DCHS2: variants seen among roughly 807,000 people sequenced by gnomAD.
The protein encoded by DCHS2 is dachsous cadherin-related 2.
In DCHS2, 142 loss-of-function variants were observed where a neutral mutation model predicts 182.4. That is an observed-to-expected ratio of 0.78 (90% CI 0.68 to 0.89). The LOEUF (loss-of-function observed/expected upper bound fraction) is 0.89. DCHS2 is among the 40% of genes least tolerant of loss of function. DCHS2 has a pLI of 0.00. For missense variants in DCHS2, 4,319 were observed against 4,198.6 expected (o/e 1.03, Z -0.79); for synonymous variants, 1,740 against 1,663.3 (o/e 1.05, Z -1.12).
chr4:154,295,686 C>A (rs1416201662), intron 13 of DCHS2, among the ~76,000 whole-genome samples: 1 of 152,046 alleles, frequency 6.6e-6, no homozygotes, highest in African/African-American at 2.4e-5. Flanking sequence ...AAATAACAAC[C>A]AAAGAAAGCA....
At chr4:154,479,035 T>A (rs886191169) in intron 1 of DCHS2, among the ~76,000 whole-genome samples, 4 of 152,088 alleles carry the variant, frequency 2.6e-5, no homozygotes, top group Non-Finnish European at 5.9e-5. Flanking sequence ...ATTTCACAGA[T>A]AAAACTTTAA....
intron 14 of DCHS2, among the ~76,000 whole-genome samples, 172 bp downstream of exon 14, chr4:154,269,728 T>C (rs553826877): frequency 1.3e-5 from 2 of 152,192 alleles, no homozygotes; most frequent in African/African-American, 4.8e-5. Flanking sequence ...TCTTAGTGAA[T>C]ATAAATAAAT....
At chr4:154,331,684 C>T (rs1312934484) in intron 5 of DCHS2, 1 of 1,613,776 alleles carries the variant, frequency 6.2e-7, no homozygotes, top group Admixed American at 1.7e-5. Context: ...ACCATCTGCC[C>T]AGGTTATGAC....
At position 154,452,048 on chromosome 4, in the gene DCHS2, C is replaced by T. The variant is rs566339968; in HGVS notation, c.2052+37256G>A. ...GACACTCCTGTCATTGCCCAAAGGG[C>T]TGATGTACAAAGTGGCCACACAGTC... On this transcript the variant is annotated intron_variant, in intron 1 of 19. Transcript: ENST00000357232. 7.2e-5 allele frequency among the ~76,000 whole-genome samples: 11 copies of T among 152,302 alleles called. No homozygotes were observed. The South Asian group carries it at 2.3e-3, about 32-fold the overall frequency.
At chr4:154,354,069 G>A (rs116671613) in intron 3 of DCHS2, among the ~76,000 whole-genome samples, 2,918 of 152,242 alleles carry the variant, frequency 0.019, 51 homozygotes, top group Non-Finnish European at 0.029. Context: ...TGGTACTACA[G>A]GCATGTGCCA....
intron 3 of DCHS2, chr4:154,354,961 C>G (rs1561063778): frequency 6.6e-6 from 1 of 151,974 alleles, no homozygotes; most frequent in Non-Finnish European, 1.5e-5. Flanking sequence ...ATTTAGGAAG[C>G]TCCTATGCCT....
At position 154,234,819 on chromosome 4, in the gene DCHS2, G is replaced by A. The variant is rs752327210; in HGVS notation, c.9833C>T (p.Pro3278Leu). The A allele has an allele frequency of 1.3e-5, 21 of 1,613,842 alleles. No individual in the cohort carries two copies. Among genetic ancestry groups the A allele is most frequent in the Admixed American group, 1.7e-5 (1 of 59,976 alleles). ...PKEKKSFVFP[P>L]PLITAVAQPG... The stretch of plus-strand genomic sequence containing the variant: ...CTGGGCTACTGCTGTTATCAAAGGG[G>A]GTGGAAAAACAAAAGATTTCTTCTC... Residue 3278 changes from proline (P) to leucine (L), a missense_variant, in exon 20 of 20, where the codon CCC becomes CTC. By Grantham distance (98) the Pro-to-Leu change is moderately conservative (BLOSUM62 -3). Transcript: ENST00000357232.
At chr4:154,276,171 A>G (rs1578897975) in intron 13 of DCHS2, among the ~76,000 whole-genome samples, 1 of 152,186 alleles carries the variant, frequency 6.6e-6, no homozygotes, top group East Asian at 1.9e-4. Flanking sequence ...CACATTATCA[A>G]GGTAGAAAGG....
Position 154,236,407 on chromosome 4 carries a change from G to T in DCHS2, c.8245C>A (p.His2749Asn). The change falls in exon 20 of 20, where the codon CAT becomes AAT. Residue 2749 changes from histidine (H) to asparagine (N), a missense_variant. By Grantham distance (68) the His-to-Asn change is moderately conservative. Coordinates refer to ENST00000357232, the MANE Select transcript of DCHS2 (RefSeq NM_001358235.2). The part of the protein sequence containing the change: ...TVQASDAEKK[H>N]FSFAVVFVSV... ...ACAAACACAACTGCAAAAGAAAAAT[G>T]TTTCTTTTCTGCATCTGAAGCTTGG... 1 of 1,614,046 alleles carries T rather than the reference G, an allele frequency of 6.2e-7. No individual in the cohort carries two copies. The highest frequency in any genetic ancestry group is 8.5e-7 in the Non-Finnish European group (1 of 1,179,956).
At chr4:154,394,221 C>T (rs769485756) in intron 1 of DCHS2, among the ~76,000 whole-genome samples, 2 of 152,132 alleles carry the variant, frequency 1.3e-5, no homozygotes, top group Non-Finnish European at 2.9e-5. Context: ...GCCAGACTAA[C>T]AACACCGTAC....
intron 2 of DCHS2, among the ~76,000 whole-genome samples, chr4:154,371,126 A>G (rs1237489566): frequency 1.1e-4 from 16 of 152,066 alleles, no homozygotes; most frequent in Admixed American, 1.0e-3. Context: ...TCCCAGAATG[A>G]TGAGGAAACT....
chr4:154,387,273 TG>T (rs146320708), intron 1 of DCHS2, among the ~76,000 whole-genome samples: 1,936 of 152,238 alleles, frequency 0.013, 39 homozygotes, highest in African/African-American at 0.044. Flanking sequence ...AGGAGACCAG[TG>T]GGGTTTAGGG....
rs745540119 is a variant in DCHS2 at position 154,259,514 on chromosome 4, A to C, written c.6789+31T>G. 45 of 1,608,406 alleles carry C rather than the reference A, an allele frequency of 2.8e-5. No homozygotes were observed. In the African/African-American group the frequency reaches 4.4e-4, roughly 16 times the overall value. ...CACAGACACACCCACACACACACAC[A>C]CACACACACACACAAATATATTTCT... is the stretch of plus-strand genomic sequence containing the variant. On this transcript the variant is annotated intron_variant, in intron 15 of 19. Transcript: ENST00000357232.
intron 3 of DCHS2, 80 bp from the exon 4 acceptor site, chr4:154,335,184 A>G (rs1728736544): frequency 1.1e-6 from 1 of 921,416 alleles, no homozygotes; most frequent in African/African-American, 1.6e-5. Flanking sequence ...CTGGTCTATT[A>G]AGTGTATTGT....
intron 1 of DCHS2, among the ~76,000 whole-genome samples, chr4:154,441,056 A>C (rs1466919742): frequency 6.6e-6 from 1 of 152,226 alleles, no homozygotes; most frequent in Non-Finnish European, 1.5e-5. Context: ...TTTTGCTGGC[A>C]TGGGCAAAAA....
rs553632582 is a variant in DCHS2, at chr4:154,414,761, G to A, written c.2053-37317C>T. Among the ~76,000 whole-genome samples the A allele has an allele frequency of 6.6e-5, 10 of 152,186 alleles. No individual in the cohort carries two copies. The South Asian group carries it at 1.0e-3, about 16-fold the overall frequency. On this transcript the variant is annotated intron_variant, in intron 1 of 19. Transcript: ENST00000357232. ...TATGTAAAAGTTGATTTAGGTATTC[G>A]TGATAGAGAAGTGAAAGGAAAGACT...
Position 154,453,774 on chromosome 4 carries a change from A to G in DCHS2, c.2052+35530T>C, listed in dbSNP as rs185431766. ...TGTGTCCTTCACAAACTTCCCTCCCAATGAATCTCTTGCCTATCTAATTCC... is the reference window on the plus strand; with the variant it reads ...TGTGTCCTTCACAAACTTCCCTCCCGATGAATCTCTTGCCTATCTAATTCC... On this transcript the variant is annotated intron_variant, in intron 1 of 19. Coordinates refer to ENST00000357232, the MANE Select transcript of DCHS2 (RefSeq NM_001358235.2). 4.0e-3 allele frequency among the ~76,000 whole-genome samples: 601 copies of G among 152,150 alleles called. 4 individuals are homozygous for G. Among genetic ancestry groups the G allele is most frequent in the Non-Finnish European group, 6.7e-3 (453 of 67,988 alleles).
chr4:154,285,995 C>T (rs1734377291), intron 13 of DCHS2, among the ~76,000 whole-genome samples: 2 of 152,138 alleles, frequency 1.3e-5, no homozygotes, highest in Admixed American at 1.3e-4. Context: ...TGGGTCACTC[C>T]TTCCACAGCT....
At chr4:154,309,774 A>G (rs1735599389) in intron 10 of DCHS2, among the ~76,000 whole-genome samples, 1 of 152,224 alleles carries the variant, frequency 6.6e-6, no homozygotes, top group Non-Finnish European at 1.5e-5. Context: ...TGCTGTCACG[A>G]TTAATTAAAT....
Sources: allele counts gnomAD v4.1 joint callset (sites outside exome capture counted in the v4.1 genomes callset), GRCh38; gene constraint gnomAD v4.1.1; transcripts MANE v1.5; gene names NCBI Gene and HGNC (gene_info 2026-07-23, HGNC 2026-07-21).